ROCK1: variants seen among roughly 807,000 people sequenced by gnomAD.
ROCK1 encodes the protein rho-associated protein kinase 1.
A neutral mutation model predicts 196.8 loss-of-function variants in ROCK1; 36 were observed. That is an observed-to-expected ratio of 0.18 (90% CI 0.14 to 0.24). The LOEUF (loss-of-function observed/expected upper bound fraction) is 0.24. Among genes scored for constraint, ROCK1 ranks in the 10% least tolerant of loss-of-function variants. The pLI, the probability that ROCK1 is intolerant of heterozygous loss-of-function variation, is 1.00. For synonymous variants in ROCK1, 443 were observed against 515.9 expected, an observed-to-expected ratio of 0.86 and a Z score of 1.91; for missense variants, 920 against 1,562.0, an observed-to-expected ratio of 0.59 and a Z score of 6.93.
Position 21,111,401 on chromosome 18 carries a change from G to A in ROCK1, c.-491C>T. 2.6e-6 allele frequency: 1 copy of A among 388,850 alleles called. No homozygotes were observed. The allele number at this position is 388,850 out of a possible 1,614,324, so 24.1% of individuals were successfully genotyped here. A position where few individuals can be genotyped will look rare whatever the true frequency, so the allele number is the denominator to read the frequency against. On this transcript the variant is annotated 5_prime_UTR_variant, in exon 1 of 33. Coordinates refer to ENST00000399799, the MANE Select transcript of ROCK1 (RefSeq NM_005406.3). The surrounding 1 kb of genome is among the most constrained non-coding windows in gnomAD (Gnocchi z 4.2). ...GGCCGCCGCTCGGGCCACGGGCCGG[G>A]CCCGCTCCGCTCAGAGGCGCTGTAG...
intron 19 of ROCK1, among the ~76,000 whole-genome samples, chr18:20,986,085 T>A (rs1238850422): frequency 6.6e-6 from 1 of 152,086 alleles, no homozygotes; most frequent in Admixed American, 6.6e-5. Flanking sequence ...ACTCCTGAGC[T>A]TAAGCAATGT....
At chr18:21,008,626 T>C (rs1361880114) in intron 13 of ROCK1, among the ~76,000 whole-genome samples, 1 of 152,208 alleles carries the variant, frequency 6.6e-6, no homozygotes, top group Non-Finnish European at 1.5e-5. Context: ...GTTACCACTA[T>C]CAGTAAATCT....
At chr18:21,058,000 C>T (rs2036258326) in intron 2 of ROCK1, among the ~76,000 whole-genome samples, 1 of 152,020 alleles carries the variant, frequency 6.6e-6, no homozygotes, top group African/African-American at 2.4e-5. Flanking sequence ...TATTAGGTAA[C>T]ATTTAAAATT....
At chr18:20,960,876 C>T (rs886341657) in intron 27 of ROCK1, among the ~76,000 whole-genome samples, 4 of 152,102 alleles carry the variant, frequency 2.6e-5, no homozygotes, top group African/African-American at 9.7e-5. Flanking sequence ...AGTTCAATTG[C>T]AATTCTACTC....
intron 10 of ROCK1, among the ~76,000 whole-genome samples, chr18:21,027,881 C>G (rs531087390): frequency 0.021 from 2,986 of 144,930 alleles, 46 homozygotes; most frequent in Non-Finnish European, 0.033. Context: ...CCTGCCTCAG[C>G]CTCCCGAGTA....
At chr18:21,032,506 GTTTTTT>G (rs368055407) in intron 9 of ROCK1, among the ~76,000 whole-genome samples, 2 of 129,254 alleles carry the variant, frequency 1.5e-5, no homozygotes, top group African/African-American at 5.8e-5. Context: ...AAATAGGAAA[GTTTTTT>G]TTTTTTTTTT....
At chr18:21,085,873 T>C (rs1458310970) in intron 1 of ROCK1, among the ~76,000 whole-genome samples, 1 of 152,164 alleles carries the variant, frequency 6.6e-6, no homozygotes, top group Admixed American at 6.5e-5. Context: ...CACAAAAATA[T>C]ATTCACGGAT....
chr18:21,111,120 T>C lies in ROCK1; in HGVS notation c.-210A>G, dbSNP rs1466225347. ...GGGGGCAACAGCGACCCACAGCCGC[T>C]CGGACGCCCAAAGTCGCATCCCACC... On this transcript the variant is annotated 5_prime_UTR_variant, in exon 1 of 33. Coordinates refer to ENST00000399799, the MANE Select transcript of ROCK1 (RefSeq NM_005406.3). The surrounding 1 kb of genome is among the most constrained non-coding windows in gnomAD (Gnocchi z 4.2). 6.9e-6 allele frequency: 4 copies of C among 576,236 alleles called. No individual in the cohort carries two copies. The highest frequency in any genetic ancestry group is 1.2e-5 in the Non-Finnish European group (4 of 325,998). The allele number at this position is 576,236 out of a possible 1,614,324, so 35.7% of individuals were successfully genotyped here. A position where few individuals can be genotyped will look rare whatever the true frequency, so the allele number is the denominator to read the frequency against.
rs151010204 is a variant in ROCK1 at position 21,093,414 on chromosome 18, C to A, written c.93+17404G>T. Among the ~76,000 whole-genome samples, 6 of 152,286 alleles carry A rather than the reference C, an allele frequency of 3.9e-5. No individual in the cohort carries two copies. The Middle Eastern group carries it at 0.01, about 259-fold the overall frequency. The stretch of plus-strand genomic sequence containing the variant: ...TTTGTGAAGTTTCAAATGCTGCTTT[C>A]TAAATTATCTCATTTAGTCCTCCTC... On this transcript the variant is annotated intron_variant, in intron 1 of 32. Coordinates refer to ENST00000399799, the MANE Select transcript of ROCK1 (RefSeq NM_005406.3).
chr18:21,015,202 C>A (rs564862197), intron 13 of ROCK1, among the ~76,000 whole-genome samples: 1 of 151,938 alleles, frequency 6.6e-6, no homozygotes, highest in Non-Finnish European at 1.5e-5. Flanking sequence ...CTGAAATTTA[C>A]GTACTAAAAT....
chr18:21,038,883 A>G (rs565367219), intron 9 of ROCK1, among the ~76,000 whole-genome samples: 8 of 152,352 alleles, frequency 5.3e-5, no homozygotes, highest in African/African-American at 1.9e-4. Flanking sequence ...TCTGTGAATC[A>G]TCTTGTAATT....
Position 20,966,998 on chromosome 18 carries a change from G to A in ROCK1, c.3271C>T (p.Arg1091Cys), listed in dbSNP as rs780922989. Residue 1091 changes from arginine to cysteine, a missense_variant, in exon 27 of 33, where the codon CGT (arginine) becomes TGT (cysteine). Transcript: ENST00000399799. ...ASKESDIEQLRAKLLDLSDST... is the reference protein window; with the variant it reads ...ASKESDIEQLCAKLLDLSDST... Reference sequence around the variant, plus strand: ...TCCGAGAGGTCCAAAAGTTTAGCACGCAATTGCTCAATATCACTCTCTTTG... The same window carrying A: ...TCCGAGAGGTCCAAAAGTTTAGCACACAATTGCTCAATATCACTCTCTTTG... The A allele has an allele frequency of 6.2e-6, 10 of 1,612,646 alleles. No homozygotes were observed. The highest frequency in any genetic ancestry group is 1.3e-5 in the African/African-American group (1 of 74,876).
chr18:21,067,244 T>C (rs1403042812), intron 2 of ROCK1, among the ~76,000 whole-genome samples: 1 of 152,192 alleles, frequency 6.6e-6, no homozygotes, highest in Non-Finnish European at 1.5e-5. Context: ...TCTATTCAAA[T>C]ATTTTTCCTA....
intron 21 of ROCK1, 127 bp from the exon 22 acceptor site, chr18:20,980,131 A>G: frequency 8.6e-7 from 1 of 1,159,242 alleles, no homozygotes; most frequent in Non-Finnish European, 1.1e-6. Flanking sequence ...TACCCATGAC[A>G]AATGCAAATA....
chr18:21,045,035 T>C (rs2036143585), intron 5 of ROCK1: 1 of 223,336 alleles, frequency 4.5e-6, no homozygotes, highest in African/African-American at 2.3e-5. Flanking sequence ...TTTTTTTTTT[T>C]TTTTTTTGTA....
chr18:21,005,472 T>C (rs73959771), intron 16 of ROCK1, among the ~76,000 whole-genome samples: 1,875 of 152,346 alleles, frequency 0.012, 47 homozygotes, highest in African/African-American at 0.041. Context: ...ATGAAGTTTT[T>C]GGTTAATTTG....
At chr18:20,999,410 C>G (rs1477705596) in intron 16 of ROCK1, among the ~76,000 whole-genome samples, 1 of 151,878 alleles carries the variant, frequency 6.6e-6, no homozygotes, top group Non-Finnish European at 1.5e-5. Flanking sequence ...TTTTAATCCA[C>G]CCAGAAGATA....
intron 1 of ROCK1, among the ~76,000 whole-genome samples, chr18:21,106,636 T>A (rs1598565614): frequency 6.6e-6 from 1 of 152,194 alleles, no homozygotes; most frequent in Middle Eastern, 3.2e-3. Context: ...TAGCTCCCGA[T>A]AATCCTTATA....
rs1164695655 is a variant in ROCK1 at position 20,949,577 on chromosome 18, C to T, written c.*1807G>A. On this transcript the variant is annotated 3_prime_UTR_variant, in exon 33 of 33. Transcript: ENST00000399799. ...CTCTATCTTCCAAGGCTGTTTACTA[C>T]ATAAATATCCTTGGAAAAGATAGTC... The T allele has an allele frequency of 6.6e-6, 1 of 152,222 alleles. No homozygotes were observed. The highest frequency in any genetic ancestry group is 2.4e-5 in the African/African-American group (1 of 41,448). The allele number at this position is 152,222 out of a possible 1,614,324, so 9.4% of individuals were successfully genotyped here. A position where few individuals can be genotyped will look rare whatever the true frequency, so the allele number is the denominator to read the frequency against.
Sources: gnomAD v4.1 joint callset for allele counts (sites outside exome capture counted in the v4.1 genomes callset) on GRCh38, gnomAD v4.1.1 for gene constraint, Gnocchi (gnomAD v3.1) non-coding constraint, MANE v1.5 for transcripts, NCBI Gene and HGNC (gene_info 2026-07-23, HGNC 2026-07-21) for gene names.